CNTLN: variants seen among roughly 807,000 people sequenced by gnomAD.
The protein encoded by CNTLN is centlein, centrosomal protein.
CNTLN carries 212 observed loss-of-function variants against 180.0 expected under a neutral mutation model. That is an observed-to-expected ratio of 1.18 (90% confidence interval 1.05 to 1.32). The LOEUF is 1.32. CNTLN is among the 40% of genes most tolerant of loss of function. The pLI is 0.00. For synonymous variants in CNTLN, 722 were observed against 563.1 expected, an observed-to-expected ratio of 1.28 and a Z score of -3.99; for missense variants, 2,095 against 1,610.9, an observed-to-expected ratio of 1.30 and a Z score of -5.14.
chr9:17,293,118 A>G (rs916576020), intron 6 of CNTLN, among the ~76,000 whole-genome samples: 11 of 152,224 alleles, frequency 7.2e-5, no homozygotes, highest in Admixed American at 2.6e-4. Context: ...AAGATGCAGA[A>G]TAGCAAAGAT....
At position 17,462,999 on chromosome 9, in the gene CNTLN, G is replaced by A. The variant is rs1831539917; in HGVS notation, c.3390G>A (p.Lys1130=). ...FELLAKEEHI[K]EMHEKISRME... is the part of the protein sequence containing the mutation. ...TCCTAGCAAAAGAAGAACACATAAA[G>A]GAAATGCATGAAAAGTATGGTTTTT... The change falls in exon 20 of 26, where the codon AAG becomes AAA. Residue 1130 remains lysine, a synonymous_variant. Coordinates refer to ENST00000380647, the MANE Select transcript of CNTLN (RefSeq NM_017738.4). 1 of 1,574,630 alleles carries A rather than the reference G, an allele frequency of 6.4e-7. No individual in the cohort carries two copies. Among genetic ancestry groups the A allele is most frequent in the African/African-American group, 1.4e-5 (1 of 72,178 alleles).
the CNTLN span, among the ~76,000 whole-genome samples, chr9:17,511,398 G>A: frequency 6.6e-6 from 1 of 152,194 alleles, no homozygotes; most frequent in African/African-American, 2.4e-5. Context: ...GCCAGTGTCT[G>A]TGGATCAAGA....
intron 15 of CNTLN, among the ~76,000 whole-genome samples, chr9:17,401,112 T>G (rs1160911126): frequency 6.6e-6 from 1 of 152,232 alleles, no homozygotes; most frequent in African/African-American, 2.4e-5. Flanking sequence ...AATCTTGCTT[T>G]AGGTTCCTAG....
chr9:17,339,097 C>G (rs1821276323), intron 10 of CNTLN, among the ~76,000 whole-genome samples: 1 of 152,106 alleles, frequency 6.6e-6, no homozygotes, highest in South Asian at 2.1e-4. Context: ...ATCCATTCTG[C>G]TTTTTCATCA....
At chr9:17,331,228 CTG>C (rs1415513660) in intron 9 of CNTLN, among the ~76,000 whole-genome samples, 1 of 151,852 alleles carries the variant, frequency 6.6e-6, no homozygotes, top group Non-Finnish European at 1.5e-5. Flanking sequence ...AAAATACTGT[CTG>C]TGTGGAAAAT....
At position 17,163,582 on chromosome 9, in the gene CNTLN, ATATT is replaced by A. The variant is rs563418436; in HGVS notation, c.449+20208_449+20211del. Among the ~76,000 whole-genome samples, 3 of 152,218 alleles carry A rather than the reference ATATT, an allele frequency of 2.0e-5. No homozygotes were observed. In the South Asian group the frequency reaches 6.2e-4, roughly 32 times the overall value. On this transcript the variant is annotated intron_variant, in intron 2 of 25. Transcript: ENST00000380647. The stretch of plus-strand genomic sequence containing the variant: ...GAACAGTGGGAGGACCATATTGTGC[ATATT>A]TTCCACAGTGCTTATTACAGTCGCT...
At chr9:17,145,989 G>T (rs998971777) in intron 2 of CNTLN, among the ~76,000 whole-genome samples, 1 of 151,988 alleles carries the variant, frequency 6.6e-6, no homozygotes, top group African/African-American at 2.4e-5. Flanking sequence ...TCTAAATTGA[G>T]CATACAGTAA....
Position 17,491,212 on chromosome 9 carries a change from G to A in CNTLN, c.4119+4146G>A, listed in dbSNP as rs149941352. 3.9e-3 allele frequency among the ~76,000 whole-genome samples: 590 copies of A among 152,122 alleles called. 6 individuals carry two copies. The highest frequency in any genetic ancestry group is 0.013 in the African/African-American group (556 of 41,500). The stretch of plus-strand genomic sequence containing the variant: ...AATTAGTGGAAATTAAGCTGAGCCT[G>A]TGCTCGGGAATCATTAAAAAATATA... On this transcript the variant is annotated intron_variant, in intron 25 of 25. Transcript: ENST00000380647.
At chr9:17,137,390 A>G (rs1373950222) in intron 1 of CNTLN, among the ~76,000 whole-genome samples, 1 of 152,228 alleles carries the variant, frequency 6.6e-6, no homozygotes, top group Non-Finnish European at 1.5e-5. Context: ...ATTCACTTTT[A>G]TATCTTTTAA....
the CNTLN span, among the ~76,000 whole-genome samples, chr9:17,525,937 C>T: frequency 1.8e-4 from 28 of 152,020 alleles, no homozygotes; most frequent in African/African-American, 6.8e-4. Flanking sequence ...TTTTCTATTT[C>T]TATTTTTATT....
chr9:17,186,707 C>T (rs1821455329), intron 2 of CNTLN, among the ~76,000 whole-genome samples: 2 of 152,098 alleles, frequency 1.3e-5, no homozygotes, highest in Admixed American at 6.6e-5. Flanking sequence ...GCACACTAAG[C>T]AAACATTACC....
chr9:17,394,684 G>C lies in CNTLN; in HGVS notation c.2230G>C (p.Glu744Gln), dbSNP rs200761681. 6.2e-5 allele frequency: 100 copies of C among 1,613,712 alleles called. 2 individuals are homozygous for C. The African/African-American group carries it at 1.1e-3, about 18-fold the overall frequency. ...TACAGAGACCAGAGAAAAAGAGCTA[G>C]AACAGATAATAAAGGGGAGTAAAGA... ...EDTETREKEL[E>Q]QIIKGSKDVE... The change falls in exon 15 of 26, where the codon GAA (glutamate) becomes CAA (glutamine). Residue 744 changes from glutamate (E) to glutamine (Q), a missense_variant. Coordinates refer to ENST00000380647, the MANE Select transcript of CNTLN (RefSeq NM_017738.4).
rs12000730 is a variant in CNTLN at position 17,255,983 on chromosome 9, G to A, written c.850-17750G>A. Among the ~76,000 whole-genome samples, 768 of 151,854 alleles carry A rather than the reference G, an allele frequency of 5.1e-3. 5 individuals are homozygous for A. The highest frequency in any genetic ancestry group is 7.8e-3 in the Admixed American group (119 of 15,196). On this transcript the variant is annotated intron_variant, in intron 5 of 25. Transcript: ENST00000380647. ...TACAGATTTTTTAGAATACAGTTTT[G>A]TATTTGTTAGAATACAGTTGTTCTT... is the stretch of plus-strand genomic sequence containing the variant.
chr9:17,471,127 A>G (rs770108667), intron 23 of CNTLN, among the ~76,000 whole-genome samples: 4 of 152,066 alleles, frequency 2.6e-5, no homozygotes, highest in Admixed American at 6.6e-5. Context: ...TGTAAATTAT[A>G]TCTCAATAAA....
At chr9:17,520,103 T>A in the CNTLN span, among the ~76,000 whole-genome samples, 1 of 152,216 alleles carries the variant, frequency 6.6e-6, no homozygotes, top group East Asian at 1.9e-4. Flanking sequence ...GTAAATTCAG[T>A]CATTTGTAAA....
chr9:17,515,662 C>T, the CNTLN span, among the ~76,000 whole-genome samples: 46 of 152,228 alleles, frequency 3.0e-4, no homozygotes, highest in Admixed American at 2.3e-3. Flanking sequence ...TTCAATGTAT[C>T]GGGAAATTCT....
chr9:17,275,711 T>G (rs1828266268), intron 6 of CNTLN, among the ~76,000 whole-genome samples: 2 of 152,134 alleles, frequency 1.3e-5, no homozygotes, highest in South Asian at 2.1e-4. Flanking sequence ...ATATTTAAAT[T>G]TAGTGTATTG....
intron 2 of CNTLN, among the ~76,000 whole-genome samples, chr9:17,219,712 A>G (rs1441576197): frequency 6.6e-6 from 1 of 151,934 alleles, no homozygotes; most frequent in Non-Finnish European, 1.5e-5. Flanking sequence ...ATCGCTTGAG[A>G]TCTTGTGTCT....
intron 25 of CNTLN, among the ~76,000 whole-genome samples, chr9:17,501,590 C>T (rs183321371): frequency 6.6e-6 from 1 of 152,310 alleles, no homozygotes; most frequent in Non-Finnish European, 1.5e-5. Context: ...TGCTGTCAGT[C>T]GTCCATCCTA....
Sources: allele counts gnomAD v4.1 joint callset (sites outside exome capture counted in the v4.1 genomes callset), GRCh38; gene constraint gnomAD v4.1.1; transcripts MANE v1.5; gene names NCBI Gene and HGNC (gene_info 2026-07-23, HGNC 2026-07-21).